Variants in PDE12 observed in about 807,000 individuals in gnomAD.
PDE12 encodes phosphodiesterase 12.
In PDE12, 26 loss-of-function variants were observed where a neutral mutation model predicts 45.4. The observed-to-expected ratio is 0.57, with a 90% CI of 0.42 to 0.79. The LOEUF (loss-of-function observed/expected upper bound fraction) is 0.79. PDE12 is among the 30% of genes least tolerant of loss of function. The pLI is 0.00. For synonymous variants in PDE12, 283 were observed against 323.9 expected, an observed-to-expected ratio of 0.87 and a Z score of 1.36; for missense variants, 668 against 790.0, an observed-to-expected ratio of 0.85 and a Z score of 1.85.
chr3:57,597,013 AC>A, the PDE12 span: 1 of 1,568,444 alleles, frequency 6.4e-7, no homozygotes, highest in East Asian at 2.3e-5. Flanking sequence ...CCCAGAGGCC[AC>A]CCCAATTGTG....
At chr3:57,575,041 G>A in the PDE12 span, among the ~76,000 whole-genome samples, 3 of 151,864 alleles carry the variant, frequency 2.0e-5, no homozygotes, top group Non-Finnish European at 2.9e-5. Flanking sequence ...TAGAGACAGG[G>A]TTTCTCCCTG....
the PDE12 span, among the ~76,000 whole-genome samples, chr3:57,636,311 G>A: frequency 6.6e-6 from 1 of 152,138 alleles, no homozygotes; most frequent in Admixed American, 6.5e-5. Flanking sequence ...TACTCCAAAT[G>A]TGTCAACTGT....
At chr3:57,590,137 C>CA in the PDE12 span, among the ~76,000 whole-genome samples, 7 of 117,014 alleles carry the variant, frequency 6.0e-5, no homozygotes, top group Middle Eastern at 4.9e-3. Context: ...ATAAATAAAA[C>CA]AAAAAACAAA....
chr3:57,647,187 A>C, the PDE12 span, among the ~76,000 whole-genome samples: 2 of 152,246 alleles, frequency 1.3e-5, no homozygotes, highest in Non-Finnish European at 2.9e-5. Context: ...AAAGAAAAGA[A>C]AAATCAAACA....
At chr3:57,571,264 CTG>C (rs764392585), downstream of PDE12, 7 of 152,344 alleles carry the variant, frequency 4.6e-5, no homozygotes, top group East Asian at 1.2e-3. Flanking sequence ...CCAGTGGGAT[CTG>C]TGTTACTGTT....
intron 1 of PDE12, among the ~76,000 whole-genome samples, chr3:57,559,013 A>G (rs1391546551): frequency 6.6e-6 from 1 of 151,128 alleles, no homozygotes; most frequent in East Asian, 2.0e-4. Flanking sequence ...CAAGTCAGGA[A>G]ATCGAGACCA....
chr3:57,580,131 T>G, the PDE12 span, among the ~76,000 whole-genome samples: 1 of 152,084 alleles, frequency 6.6e-6, no homozygotes, highest in African/African-American at 2.4e-5. Context: ...GTTTGATGCT[T>G]TGGGAGCCAA....
chr3:57,573,032 C>T, the PDE12 span, among the ~76,000 whole-genome samples: 14 of 151,938 alleles, frequency 9.2e-5, 1 homozygote, highest in Middle Eastern at 3.4e-3. Flanking sequence ...GAAACCCTGT[C>T]TCTACTAAAA....
At chr3:57,595,781 C>G in the PDE12 span, among the ~76,000 whole-genome samples, 1 of 152,028 alleles carries the variant, frequency 6.6e-6, no homozygotes, top group Non-Finnish European at 1.5e-5. Flanking sequence ...AAACCCCCGT[C>G]TCTACTAATA....
At chr3:57,635,201 G>C in the PDE12 span, among the ~76,000 whole-genome samples, 1 of 101,244 alleles carries the variant, frequency 9.9e-6, no homozygotes, top group Non-Finnish European at 2.1e-5. Context: ...GGTTTGTGGG[G>C]TTTTGTTTTG....
the PDE12 span, among the ~76,000 whole-genome samples, chr3:57,599,255 C>T: frequency 6.6e-6 from 1 of 152,184 alleles, no homozygotes; most frequent in Non-Finnish European, 1.5e-5. Context: ...TCTGATTAGC[C>T]TCTCCAAAGG....
the PDE12 span, among the ~76,000 whole-genome samples, chr3:57,645,200 C>T: frequency 1.3e-5 from 2 of 152,182 alleles, no homozygotes; most frequent in East Asian, 3.9e-4. Flanking sequence ...TGGTGGCTCA[C>T]ACCTGTAATC....
At chr3:57,603,612 C>G in the PDE12 span, among the ~76,000 whole-genome samples, 1 of 150,570 alleles carries the variant, frequency 6.6e-6, no homozygotes. Flanking sequence ...CCACCATGGC[C>G]GGCCAGAAAT....
In PDE12 at chr3:57,559,690, T is replaced by C; in HGVS notation, c.1516T>C (p.Tyr506His). Residue 506 changes from tyrosine to histidine, a missense_variant, in exon 3 of 3, where the codon TAT (tyrosine) becomes CAT (histidine). Coordinates refer to ENST00000311180, the MANE Select transcript of PDE12 (RefSeq NM_177966.7). ...TAATAGTACACCATCAACAGGAATG[T>C]ATCATTTTGTCATCAATGGCAGCAT... ...DFNSTPSTGM[Y>H]HFVINGSIPE... 1 of 1,614,218 alleles carries C rather than the reference T, an allele frequency of 6.2e-7. No homozygotes were observed. The highest frequency in any genetic ancestry group is 1.3e-5 in the African/African-American group (1 of 75,076).
the PDE12 span, among the ~76,000 whole-genome samples, chr3:57,636,680 TA>T: frequency 6.6e-6 from 1 of 152,136 alleles, no homozygotes; most frequent in African/African-American, 2.4e-5. Flanking sequence ...CTCACGCCTG[TA>T]ATCTCAGCAC....
chr3:57,607,290 G>A, the PDE12 span, among the ~76,000 whole-genome samples: 1 of 152,084 alleles, frequency 6.6e-6, no homozygotes, highest in Admixed American at 6.6e-5. Flanking sequence ...CAAAGATGGG[G>A]AAAAACACAG....
At chr3:57,616,802 T>C in the PDE12 span, among the ~76,000 whole-genome samples, 3 of 152,096 alleles carry the variant, frequency 2.0e-5, no homozygotes, top group Non-Finnish European at 2.9e-5. Context: ...GGCAGGTGGA[T>C]TGCCTGAGCT....
At chr3:57,574,842 A>AC in the PDE12 span, among the ~76,000 whole-genome samples, 712 of 150,298 alleles carry the variant, frequency 4.7e-3, 1 homozygote, top group African/African-American at 5.5e-3. Flanking sequence ...ACAAAGCGAG[A>AC]CCCCCCATCT....
the PDE12 span, among the ~76,000 whole-genome samples, chr3:57,652,931 A>G: frequency 2.0e-5 from 3 of 152,242 alleles, no homozygotes; most frequent in Admixed American, 1.3e-4. Flanking sequence ...GCAACAGATG[A>G]TTCTCAACTA....
Sources: gnomAD v4.1 joint callset for allele counts (sites outside exome capture counted in the v4.1 genomes callset) on GRCh38, gnomAD v4.1.1 for gene constraint, MANE v1.5 for transcripts, NCBI Gene and HGNC (gene_info 2026-07-23, HGNC 2026-07-21) for gene names.